SERINC1: variants seen among roughly 807,000 people sequenced by gnomAD.
The protein encoded by SERINC1 is tumor differentially expressed protein 2.
Under a neutral mutation model 52.9 loss-of-function variants are expected in SERINC1, and 38 were observed. The observed-to-expected ratio is 0.72, with a 90% CI of 0.55 to 0.94. The LOEUF (loss-of-function observed/expected upper bound fraction) is 0.94, where lower values mean the gene tolerates loss of function less well. Among genes scored for constraint, SERINC1 ranks in the 40% least tolerant of loss-of-function variants. The pLI is 0.00. For missense variants in SERINC1, 471 were observed against 533.9 expected (o/e 0.88, Z 1.16); for synonymous variants, 198 against 183.1 (o/e 1.08, Z -0.66).
At chr6:122,468,522 A>G (rs1487595901) in intron 1 of SERINC1, among the ~76,000 whole-genome samples, 1 of 152,246 alleles carries the variant, frequency 6.6e-6, no homozygotes, top group Non-Finnish European at 1.5e-5. Context: ...GACAAATGTT[A>G]ACATTTAAGA....
Position 122,446,827 on chromosome 6 carries a change from G to A in SERINC1, c.1173C>T (p.Phe391=). The change falls in exon 9 of 10, where the codon TTC becomes TTT. Residue 391 remains phenylalanine (F), a synonymous_variant. Transcript: ENST00000339697. Reference sequence around the variant, plus strand: ...TATAAAGTGAAGCCAGGAAAAGCATGAAGTGAAAGAAGGAATAACTGTAAG... The same window carrying A: ...TATAAAGTGAAGCCAGGAAAAGCATAAAGTGAAAGAAGGAATAACTGTAAG... ...GVTYSYSFFH[F]MLFLASLYIM... is the part of the protein sequence containing the mutation. 1 of 1,614,048 alleles carries A rather than the reference G, an allele frequency of 6.2e-7. No homozygotes were observed.
chr6:122,464,113 TAA>T (rs1304383322), intron 1 of SERINC1, among the ~76,000 whole-genome samples: 1 of 152,146 alleles, frequency 6.6e-6, no homozygotes, highest in African/African-American at 2.4e-5. Context: ...GGCAAAATCC[TAA>T]AGACAGAAAA....
At chr6:122,468,016 G>A (rs1775215989) in intron 1 of SERINC1, among the ~76,000 whole-genome samples, 4 of 152,158 alleles carry the variant, frequency 2.6e-5, no homozygotes, top group Non-Finnish European at 4.4e-5. Flanking sequence ...TCTCCAAAGG[G>A]AGGAAATGGG....
Position 122,444,420 on chromosome 6 carries a change from A to G in SERINC1, c.*624T>C, listed in dbSNP as rs1774722956. 6.6e-6 allele frequency: 1 copy of G among 152,204 alleles called. No homozygotes were observed. Among genetic ancestry groups the G allele is most frequent in the African/African-American group, 2.4e-5 (1 of 41,428 alleles). 9.4% of individuals were successfully genotyped at this position (152,204 alleles called of 1,614,324 possible). The stretch of plus-strand genomic sequence containing the variant: ...TACTTCATGAGTTTAAAACAACCAA[A>G]ACAGTTCACTTTGTTGGCAAAGGCC... On this transcript the variant is annotated 3_prime_UTR_variant, in exon 10 of 10. Coordinates refer to ENST00000339697, the MANE Select transcript of SERINC1 (RefSeq NM_020755.4).
intron 2 of SERINC1, among the ~76,000 whole-genome samples, 178 bp from the exon 3 acceptor site, chr6:122,456,828 AAG>A (rs1443596983): frequency 6.6e-6 from 1 of 152,176 alleles, no homozygotes; most frequent in Non-Finnish European, 1.5e-5. Context: ...GTGGGGAAAA[AAG>A]AGTTAAATCC....
At chr6:122,449,551 TGA>T (rs1171240182) in intron 7 of SERINC1, among the ~76,000 whole-genome samples, 1 of 152,076 alleles carries the variant, frequency 6.6e-6, no homozygotes, top group Non-Finnish European at 1.5e-5. Context: ...CTATTAAGAT[TGA>T]GAGAGAGAAG....
At chr6:122,469,628 C>G (rs1385417135) in intron 1 of SERINC1, among the ~76,000 whole-genome samples, 3 of 152,178 alleles carry the variant, frequency 2.0e-5, no homozygotes, top group Non-Finnish European at 4.4e-5. Context: ...ATGATCTCAG[C>G]TCACTGCAAC....
chr6:122,444,977 A>AAT lies in SERINC1; in HGVS notation c.*66_*67insAT. On this transcript the variant is annotated 3_prime_UTR_variant, in exon 10 of 10. Coordinates refer to ENST00000339697, the MANE Select transcript of SERINC1 (RefSeq NM_020755.4). ...GAAGCAAAAACATACACAACTTTAC[A>AAT]AAAGTTGGGAATACTGTTTTCAAAT... is the stretch of plus-strand genomic sequence containing the variant. 1.3e-6 allele frequency: 2 copies of AAT among 1,500,436 alleles called. No homozygotes were observed. The highest frequency in any genetic ancestry group is 1.8e-4 in the Middle Eastern group (1 of 5,710). The allele number at this position is 1,500,436 out of a possible 1,614,324, so 92.9% of individuals were successfully genotyped here.
intron 7 of SERINC1, 116 bp downstream of exon 7, chr6:122,451,548 G>T: frequency 2.7e-6 from 1 of 373,312 alleles, no homozygotes; most frequent in South Asian, 3.9e-5. Context: ...TCAAAACTTT[G>T]TACTTTATTC....
chr6:122,446,904 C>G lies in SERINC1; in HGVS notation c.1096G>C (p.Glu366Gln). ...GCTCGGTGAACATCGTCCCCATCCT[C>G]CAGTGATCCATCACTTCTAGCTCCA... ...DGGARSDGSLEDGDDVHRAVD... is the reference protein window; with the variant it reads ...DGGARSDGSLQDGDDVHRAVD... Residue 366 changes from glutamate to glutamine, a missense_variant, in exon 9 of 10, where the codon GAG becomes CAG. Coordinates refer to ENST00000339697, the MANE Select transcript of SERINC1 (RefSeq NM_020755.4). 4 of 1,613,036 alleles carry G rather than the reference C, an allele frequency of 2.5e-6. No homozygotes were observed. Among genetic ancestry groups the G allele is most frequent in the Non-Finnish European group, 3.4e-6 (4 of 1,179,002 alleles).
At chr6:122,458,472 A>G in intron 2 of SERINC1, 48 bp downstream of exon 2, 2 of 1,330,078 alleles carry the variant, frequency 1.5e-6, no homozygotes, top group Non-Finnish European at 2.1e-6. Context: ...ACATATACAT[A>G]TATACCCTAT....
intron 1 of SERINC1, among the ~76,000 whole-genome samples, chr6:122,467,391 G>A (rs1359965477): frequency 2.0e-5 from 3 of 152,086 alleles, no homozygotes; most frequent in African/African-American, 4.8e-5. Flanking sequence ...GATCACTTGA[G>A]GCTAGGAGTT....
chr6:122,449,571 T>C (rs1031697219), intron 7 of SERINC1, among the ~76,000 whole-genome samples: 1 of 152,168 alleles, frequency 6.6e-6, no homozygotes, highest in African/African-American at 2.4e-5. Context: ...AAGGAAGCTG[T>C]AGAAGAAAAG....
At chr6:122,447,409 A>G in intron 7 of SERINC1, 144 bp from the exon 8 acceptor site, 1 of 581,926 alleles carries the variant, frequency 1.7e-6, no homozygotes, top group Admixed American at 3.2e-5. Context: ...AAAATAATTG[A>G]AGAAAACTTG....
At position 122,458,686 on chromosome 6, in the gene SERINC1, GA is replaced by G. The variant is rs749083074; in HGVS notation, c.40-6del. ...ACTTCCACACAAACATGGTATCTGGGAAAAAGAATATTATTGAAAATATTAT... is the reference window on the plus strand; with the variant it reads ...ACTTCCACACAAACATGGTATCTGGGAAAAGAATATTATTGAAAATATTAT... On this transcript the variant is annotated splice_polypyrimidine_tract_variant and splice_region_variant and intron_variant, in intron 1 of 9. Coordinates refer to ENST00000339697, the MANE Select transcript of SERINC1 (RefSeq NM_020755.4). The G allele has an allele frequency of 2.5e-6, 4 of 1,570,722 alleles. No individual in the cohort carries two copies. The Admixed American group carries it at 5.4e-5, about 21-fold the overall frequency.
At chr6:122,470,651 CATT>C (rs1336322756) in intron 1 of SERINC1, among the ~76,000 whole-genome samples, 1 of 152,098 alleles carries the variant, frequency 6.6e-6, no homozygotes, top group Non-Finnish European at 1.5e-5. Flanking sequence ...ACAATCCCCA[CATT>C]ATTATTTGAT....
At chr6:122,447,391 G>T in intron 7 of SERINC1, 126 bp from the exon 8 acceptor site, 1 of 644,362 alleles carries the variant, frequency 1.6e-6, no homozygotes, top group South Asian at 2.7e-5. Context: ...AAAGGCATCA[G>T]TATAACAAAA....
rs367678173 is a variant in SERINC1, at chr6:122,454,105, C to A, written c.451+46G>T. The A allele has an allele frequency of 1.5e-4, 192 of 1,306,926 alleles. 1 individual carries two copies. The highest frequency in any genetic ancestry group is 1.3e-3 in the Middle Eastern group (7 of 5,380). 81.0% of individuals were successfully genotyped at this position (1,306,926 alleles called of 1,614,324 possible). On this transcript the variant is annotated intron_variant, in intron 4 of 9. Coordinates refer to ENST00000339697, the MANE Select transcript of SERINC1 (RefSeq NM_020755.4). ...TTCCAGGTGACAATTATTTCAGATT[C>A]CTTTATAAAATATCAATGTCAAACA...
intron 2 of SERINC1, among the ~76,000 whole-genome samples, chr6:122,457,354 G>A (rs1411362334): frequency 6.6e-6 from 1 of 152,132 alleles, no homozygotes; most frequent in Non-Finnish European, 1.5e-5. Context: ...TTCAGCATAC[G>A]CTGCCATGGT....
Sources: allele counts gnomAD v4.1 joint callset (sites outside exome capture counted in the v4.1 genomes callset), GRCh38; gene constraint gnomAD v4.1.1; transcripts MANE v1.5; gene names NCBI Gene and HGNC (gene_info 2026-07-23, HGNC 2026-07-21).